C20orf173: variants seen among roughly 807,000 people sequenced by gnomAD.
The protein encoded by C20orf173 is uncharacterized protein C20orf173.
A neutral mutation model predicts 26.7 loss-of-function variants in C20orf173; 22 were observed. That is an observed-to-expected ratio of 0.82 (90% CI 0.59 to 1.18). The LOEUF is 1.18. Among genes scored for constraint, C20orf173 ranks in the 50% most tolerant of loss-of-function variants. The probability of loss-of-function intolerance (pLI) is 0.00; values close to 1 mark genes in which losing one functional copy is unlikely to be tolerated. For synonymous variants in C20orf173, 85 were observed against 96.4 expected (o/e 0.88, Z 0.69); for missense variants, 210 against 250.3 (o/e 0.84, Z 1.09).
intron 5 of C20orf173, among the ~76,000 whole-genome samples, chr20:35,527,495 A>T (rs1455836535): frequency 6.6e-6 from 1 of 152,206 alleles, no homozygotes; most frequent in African/African-American, 2.4e-5. Context: ...ACGTAAGAGA[A>T]GGGCATTCCA....
In C20orf173 at chr20:35,528,682, C is replaced by T. The variant is rs773294684; in HGVS notation, c.488+19G>A. On this transcript the variant is annotated intron_variant, in intron 3 of 5. Transcript: ENST00000444723. Reference sequence around the variant, plus strand: ...GGCAGGCCTGGCCTTCCTGCTCCCGCCCTCTCCCCAGCACCCACCTGAAAA... The same window carrying T: ...GGCAGGCCTGGCCTTCCTGCTCCCGTCCTCTCCCCAGCACCCACCTGAAAA... 7 of 1,528,948 alleles carry T rather than the reference C, an allele frequency of 4.6e-6. No individual in the cohort carries two copies. Among genetic ancestry groups the T allele is most frequent in the South Asian group, 1.2e-5 (1 of 80,512 alleles). The allele number at this position is 1,528,948 out of a possible 1,614,324, so 94.7% of individuals were successfully genotyped here.
At chr20:35,527,574 A>G (rs1334394825) in intron 5 of C20orf173, among the ~76,000 whole-genome samples, 1 of 152,022 alleles carries the variant, frequency 6.6e-6, no homozygotes, top group Non-Finnish European at 1.5e-5. Flanking sequence ...AGAGCCCATT[A>G]TGGGAGCCTG....
chr20:35,521,281 G>A (rs1665107987), downstream of C20orf173: 1 of 152,630 alleles, frequency 6.6e-6, no homozygotes, highest in Non-Finnish European at 1.5e-5. Context: ...GAGCTGGGAG[G>A]AGAATGGAGT....
chr20:35,529,633 A>AG lies in C20orf173; in HGVS notation c.-127dup. 2.0e-6 allele frequency: 1 copy of AG among 503,438 alleles called. No individual in the cohort carries two copies. Among genetic ancestry groups the AG allele is most frequent in the South Asian group, 2.7e-5 (1 of 37,340 alleles). The allele number at this position is 503,438 out of a possible 1,614,324, so 31.2% of individuals were successfully genotyped here. A position where few individuals can be genotyped will look rare whatever the true frequency, so the allele number is the denominator to read the frequency against. On this transcript the variant is annotated 5_prime_UTR_variant, in exon 1 of 6. Transcript: ENST00000444723. ...GAGACAGCATGTGGCTAGTCCTGAG[A>AG]GGGGAAGGAATACCTCAGTGGGGGC...
chr20:35,529,334 C>A lies in C20orf173; in HGVS notation c.40G>T (p.Val14Leu). ...WQIFVLWVFW[V>L]LILWLMTPYL... is the part of the protein sequence containing the mutation. ...GGGGTCATCAGCCAGAGGATGAGCA[C>A]CCAAAAGACCCACAGGACAAAAATC... Residue 14 changes from valine (V) to leucine (L), a missense_variant, in exon 2 of 6, where the codon GTG becomes TTG. Coordinates refer to ENST00000444723, the MANE Select transcript of C20orf173 (RefSeq NM_001145350.2). The A allele has an allele frequency of 1.9e-6, 3 of 1,548,962 alleles. No homozygotes were observed. Among genetic ancestry groups the A allele is most frequent in the Non-Finnish European group, 2.6e-6 (3 of 1,145,668 alleles).
chr20:35,523,425 T>C (rs2064486500), downstream of C20orf173: 1 of 152,224 alleles, frequency 6.6e-6, no homozygotes, highest in African/African-American at 2.4e-5. Flanking sequence ...ATCCCCCATC[T>C]TAATGGCTTC....
At chr20:35,523,762 C>T (rs2064488036), downstream of C20orf173, among the ~76,000 whole-genome samples, 1 of 152,086 alleles carries the variant, frequency 6.6e-6, no homozygotes, top group Non-Finnish European at 1.5e-5. Context: ...GACAGGAGGG[C>T]ACAGAGGGAG....
chr20:35,525,587 A>G (rs922240158), downstream of C20orf173, among the ~76,000 whole-genome samples: 4 of 152,140 alleles, frequency 2.6e-5, no homozygotes, highest in Non-Finnish European at 5.9e-5. Context: ...GAAACAGAAG[A>G]CACAGGGGAG....
chr20:35,525,088 A>G (rs1334802124), downstream of C20orf173, among the ~76,000 whole-genome samples: 1 of 151,638 alleles, frequency 6.6e-6, no homozygotes, highest in Non-Finnish European at 1.5e-5. Flanking sequence ...TTCTGCTTGC[A>G]GGAGGTAGAA....
At chr20:35,526,002 T>C (rs1458984083), downstream of C20orf173, among the ~76,000 whole-genome samples, 1 of 152,242 alleles carries the variant, frequency 6.6e-6, no homozygotes, top group African/African-American at 2.4e-5. Flanking sequence ...ACTGTAGCAG[T>C]TGGATTCTTG....
At position 35,529,326 on chromosome 20, in the gene C20orf173, G is replaced by T. The variant is rs1484515402; in HGVS notation, c.48C>A (p.Ile16=). 1.9e-6 allele frequency: 3 copies of T among 1,550,456 alleles called. No individual in the cohort carries two copies. Among genetic ancestry groups the T allele is most frequent in the Non-Finnish European group, 1.7e-6 (2 of 1,146,514 alleles). Reference sequence around the variant, plus strand: ...CCAGATAGGGGGTCATCAGCCAGAGGATGAGCACCCAAAAGACCCACAGGA... The same window carrying T: ...CCAGATAGGGGGTCATCAGCCAGAGTATGAGCACCCAAAAGACCCACAGGA... ...IFVLWVFWVL[I]LWLMTPYLDL... The change falls in exon 2 of 6, where the codon ATC becomes ATA. Residue 16 remains isoleucine (I), a synonymous_variant. Coordinates refer to ENST00000444723, the MANE Select transcript of C20orf173 (RefSeq NM_001145350.2).
At chr20:35,526,607 C>A (rs116296270), downstream of C20orf173, among the ~76,000 whole-genome samples, 1,566 of 112,036 alleles carry the variant, frequency 0.014, 25 homozygotes, top group African/African-American at 0.05. Context: ...CCAGCCTGGG[C>A]AACACAGCAA....
downstream of C20orf173, among the ~76,000 whole-genome samples, chr20:35,521,657 G>A (rs1288268535): frequency 6.6e-6 from 1 of 150,970 alleles, no homozygotes; most frequent in Non-Finnish European, 1.5e-5. Context: ...TGCCCAGGCT[G>A]GAGTACAGTG....
downstream of C20orf173, among the ~76,000 whole-genome samples, chr20:35,525,520 C>T (rs1350143546): frequency 6.6e-6 from 1 of 152,050 alleles, no homozygotes; most frequent in Non-Finnish European, 1.5e-5. Context: ...CCACTGCACT[C>T]CAGCCTGGGT....
downstream of C20orf173, among the ~76,000 whole-genome samples, chr20:35,523,544 G>GA (rs2064487151): frequency 6.6e-6 from 1 of 152,230 alleles, no homozygotes; most frequent in African/African-American, 2.4e-5. Context: ...CCTAGAGGCA[G>GA]AAAGAAAGGG....
chr20:35,528,913 C>A (rs1315303773), intron 2 of C20orf173, 34 bp from the exon 3 acceptor site: 6 of 1,550,444 alleles, frequency 3.9e-6, no homozygotes, highest in Non-Finnish European at 5.2e-6. Flanking sequence ...GGGGGCTGGG[C>A]CCAGGGGAGA....
Position 35,529,053 on chromosome 20 carries a change from T to C in C20orf173, c.309+12A>G. On this transcript the variant is annotated intron_variant, in intron 2 of 5. Transcript: ENST00000444723. ...ATGGGGGATATGGCCGGGCCCAGTG[T>C]TGACCACTGACCAACCACCAGAGCA... is the stretch of plus-strand genomic sequence containing the variant. 6.5e-7 allele frequency: 1 copy of C among 1,547,564 alleles called. No individual in the cohort carries two copies. Among genetic ancestry groups the C allele is most frequent in the Non-Finnish European group, 8.7e-7 (1 of 1,143,658 alleles).
At chr20:35,525,269 T>G (rs2064496722), downstream of C20orf173, among the ~76,000 whole-genome samples, 1 of 151,844 alleles carries the variant, frequency 6.6e-6, no homozygotes, top group African/African-American at 2.4e-5. Flanking sequence ...TGAGGGAAAT[T>G]GGCCGGGCGT....
At chr20:35,524,715 T>G (rs990417716), downstream of C20orf173, among the ~76,000 whole-genome samples, 37 of 151,566 alleles carry the variant, frequency 2.4e-4, no homozygotes, top group Non-Finnish European at 4.4e-4. Flanking sequence ...TTTTTTTTTT[T>G]GAGACAGAAT....
Sources: gnomAD v4.1 joint callset for allele counts (sites outside exome capture counted in the v4.1 genomes callset) on GRCh38, gnomAD v4.1.1 for gene constraint, MANE v1.5 for transcripts, NCBI Gene and HGNC (gene_info 2026-07-23, HGNC 2026-07-21) for gene names.